NUP107: variants seen among roughly 807,000 people sequenced by gnomAD.
The protein encoded by NUP107 is nuclear pore complex protein Nup107.
NUP107 carries 101 observed loss-of-function variants against 141.0 expected under a neutral mutation model. The ratio of observed to expected loss-of-function variants is 0.72; its 90% CI spans 0.61 to 0.84. The LOEUF (loss-of-function observed/expected upper bound fraction) is 0.84, where lower values mean the gene tolerates loss of function less well. NUP107 is among the 40% of genes least tolerant of loss of function. The probability of loss-of-function intolerance (pLI) is 0.00; values close to 1 mark genes in which losing one functional copy is unlikely to be tolerated. For synonymous variants in NUP107, 319 were observed against 363.9 expected, an observed-to-expected ratio of 0.88 and a Z score of 1.41; for missense variants, 941 against 1,102.7, an observed-to-expected ratio of 0.85 and a Z score of 2.08.
chr12:68,730,033 C>G (rs912500557), intron 20 of NUP107, among the ~76,000 whole-genome samples: 6 of 151,554 alleles, frequency 4.0e-5, no homozygotes, highest in Non-Finnish European at 8.8e-5. Context: ...TAGATCATAG[C>G]CCATTGTAAC....
Position 68,716,217 on chromosome 12 carries a change from T to TTTTC in NUP107, c.1083+505_1083+508dup, listed in dbSNP as rs1182741313. On this transcript the variant is annotated intron_variant, in intron 12 of 27. Coordinates refer to ENST00000229179, the MANE Select transcript of NUP107 (RefSeq NM_020401.4). ...CAATCTCCATTCATTTTTTTTTCCT[T>TTTTC]TTTCTTTCTTTCTTTCTTTCTTTCT... 1.2e-3 allele frequency among the ~76,000 whole-genome samples: 159 copies of TTTTC among 136,860 alleles called. 2 individuals are homozygous for TTTTC. The highest frequency in any genetic ancestry group is 2.4e-3 in the African/African-American group (90 of 37,006). 89.8% of individuals were successfully genotyped at this position (136,860 alleles called of 152,430 possible).
At chr12:68,716,090 C>T (rs1331970146) in intron 12 of NUP107, among the ~76,000 whole-genome samples, 1 of 151,224 alleles carries the variant, frequency 6.6e-6, no homozygotes, top group East Asian at 1.9e-4. Context: ...CAGTGTCTTG[C>T]CATGTTGCCC....
rs745754509 is a variant in NUP107 at position 68,721,176 on chromosome 12, A to G, written c.1310A>G (p.Gln437Arg). 6.2e-7 allele frequency: 1 copy of G among 1,602,292 alleles called. No individual in the cohort carries two copies. Among genetic ancestry groups the G allele is most frequent in the Non-Finnish European group, 8.5e-7 (1 of 1,171,168 alleles). ...IYAALSGNLKQLLPVCDTWED... is the reference protein window; with the variant it reads ...IYAALSGNLKRLLPVCDTWED... ...GCAGCTTTAAGTGGGAATCTTAAGCAGGTATGCAATCTGTTTTAATGTTTA... is the reference window on the plus strand; with the variant it reads ...GCAGCTTTAAGTGGGAATCTTAAGCGGGTATGCAATCTGTTTTAATGTTTA... The change falls in exon 15 of 28, where the codon CAG (glutamine) becomes CGG (arginine). Residue 437 changes from glutamine (Q) to arginine (R), a missense_variant and splice_region_variant. Gln to Arg is a conservative substitution (Grantham distance 43, BLOSUM62 1). Coordinates refer to ENST00000229179, the MANE Select transcript of NUP107 (RefSeq NM_020401.4).
intron 17 of NUP107, 42 bp from the exon 18 acceptor site, chr12:68,725,685 A>T: frequency 1.0e-6 from 1 of 973,964 alleles, no homozygotes; most frequent in Non-Finnish European, 1.6e-6. Flanking sequence ...CTACAGAATG[A>T]CTGCTAGAAG....
chr12:68,711,350 C>G (rs901362177), intron 10 of NUP107, among the ~76,000 whole-genome samples: 3 of 151,514 alleles, frequency 2.0e-5, no homozygotes, highest in Non-Finnish European at 4.4e-5. Flanking sequence ...GACCCTGTCT[C>G]AAAAAATAAA....
chr12:68,705,597 C>G (rs1296867775), intron 8 of NUP107: 1 of 420,404 alleles, frequency 2.4e-6, no homozygotes, highest in Admixed American at 3.1e-5. Flanking sequence ...GAATCTCCGC[C>G]TAGCTCAGCC....
rs60283225 is a variant in NUP107, at chr12:68,738,450, CAAAA to C, written c.2502+3121_2502+3124del. Among the ~76,000 whole-genome samples the C allele has an allele frequency of 8.4e-4, 75 of 89,608 alleles. 1 individual carries two copies. Among genetic ancestry groups the C allele is most frequent in the Non-Finnish European group, 7.0e-4 (32 of 45,542 alleles). The allele number at this position is 89,608 out of a possible 152,430, so 58.8% of individuals were successfully genotyped here. A position where few individuals can be genotyped will look rare whatever the true frequency, so the allele number is the denominator to read the frequency against. ...TGGGCAACAAAGGGAGACTCCGTCTCAAAAAAAAAAAAAAAAAATTGGAATTCCC... is the reference window on the plus strand; with the variant it reads ...TGGGCAACAAAGGGAGACTCCGTCTCAAAAAAAAAAAAAATTGGAATTCCC... On this transcript the variant is annotated intron_variant, in intron 26 of 27. Transcript: ENST00000229179.
intron 1 of NUP107, 86 bp from the exon 2 acceptor site, chr12:68,688,876 G>A: frequency 1.1e-6 from 1 of 951,906 alleles, no homozygotes; most frequent in African/African-American, 1.6e-5. Flanking sequence ...CTTACTCAGG[G>A]TCCTTTACTC....
intron 7 of NUP107, among the ~76,000 whole-genome samples, chr12:68,702,092 G>A (rs1340973320): frequency 6.6e-6 from 1 of 152,142 alleles, no homozygotes; most frequent in Admixed American, 6.5e-5. Context: ...AGGTTTAAGC[G>A]ATTCTCCTGT....
At chr12:68,709,696 T>A (rs1042508718) in intron 9 of NUP107, among the ~76,000 whole-genome samples, 11 of 151,940 alleles carry the variant, frequency 7.2e-5, no homozygotes, top group African/African-American at 1.5e-4. Context: ...CGAGACCATC[T>A]GGCTAACAGT....
At chr12:68,691,144 C>T (rs1875765820) in intron 4 of NUP107, among the ~76,000 whole-genome samples, 1 of 152,044 alleles carries the variant, frequency 6.6e-6, no homozygotes, top group Non-Finnish European at 1.5e-5. Flanking sequence ...ATAACAGTAA[C>T]TTTAGGTTAT....
chr12:68,734,828 T>C lies in NUP107; in HGVS notation c.2383T>C (p.Tyr795His). 6.2e-7 allele frequency: 1 copy of C among 1,611,654 alleles called. No homozygotes were observed. The highest frequency in any genetic ancestry group is 8.5e-7 in the Non-Finnish European group (1 of 1,179,390). ...GGCTCATGAACACAAAGAAAAGAAA[T>C]ATGAAGTAAGTTAAATATGGATCTA... ...KVAHEHKEKK[Y>H]EMDFGIWKGH... Residue 795 changes from tyrosine (Y) to histidine (H), a missense_variant, in exon 25 of 28, where the codon TAT (tyrosine) becomes CAT (histidine). Tyr to His is a moderately conservative substitution (Grantham distance 83). Transcript: ENST00000229179.
At chr12:68,720,645 C>T (rs1196547729) in intron 14 of NUP107, among the ~76,000 whole-genome samples, 1 of 152,048 alleles carries the variant, frequency 6.6e-6, no homozygotes, top group Non-Finnish European at 1.5e-5. Context: ...CTGGAAATAC[C>T]ATTAATAGAA....
At position 68,696,776 on chromosome 12, in the gene NUP107, T is replaced by C. The variant is rs750313044; in HGVS notation, c.449-43T>C. On this transcript the variant is annotated intron_variant, in intron 5 of 27. Coordinates refer to ENST00000229179, the MANE Select transcript of NUP107 (RefSeq NM_020401.4). Reference sequence around the variant, plus strand: ...ACGGAATTACCTAGAAGTACGTCACTTAACTTTTCTTTATTCCTTTTTTTT... The same window carrying C: ...ACGGAATTACCTAGAAGTACGTCACCTAACTTTTCTTTATTCCTTTTTTTT... 7.2e-6 allele frequency: 8 copies of C among 1,112,188 alleles called. No individual in the cohort carries two copies. In the South Asian group the frequency reaches 9.9e-5, roughly 14 times the overall value. The allele number at this position is 1,112,188 out of a possible 1,614,324, so 68.9% of individuals were successfully genotyped here.
At chr12:68,739,962 T>C (rs1263548079) in intron 26 of NUP107, 1 of 152,238 alleles carries the variant, frequency 6.6e-6, no homozygotes. Context: ...AGCAGAGCTG[T>C]TTATTTGCTT....
At chr12:68,739,491 C>A (rs533698549) in intron 26 of NUP107, among the ~76,000 whole-genome samples, 3 of 152,272 alleles carry the variant, frequency 2.0e-5, no homozygotes, top group Admixed American at 6.5e-5. Flanking sequence ...AATATCAGTT[C>A]CAATCAACTC....
intron 5 of NUP107, 170 bp downstream of exon 5, chr12:68,692,282 C>CTCTTGTCTCAA: frequency 3.0e-6 from 2 of 662,558 alleles, no homozygotes; most frequent in African/African-American, 1.9e-5. Flanking sequence ...TTTTTTGAGA[C>CTCTTGTCTCAA]AAGAGTCTCA....
intron 26 of NUP107, among the ~76,000 whole-genome samples, chr12:68,740,975 G>T (rs1442959133): frequency 1.3e-5 from 2 of 151,704 alleles, no homozygotes; most frequent in East Asian, 3.9e-4. Context: ...TGAGCCCGGA[G>T]ATCAAGGCTT....
At chr12:68,737,868 C>T (rs947349578) in intron 26 of NUP107, among the ~76,000 whole-genome samples, 6 of 152,128 alleles carry the variant, frequency 3.9e-5, no homozygotes, top group Non-Finnish European at 7.3e-5. Context: ...TATCTGGGAA[C>T]GGTGGCTCAT....
Sources: allele counts gnomAD v4.1 joint callset (sites outside exome capture counted in the v4.1 genomes callset), GRCh38; gene constraint gnomAD v4.1.1; transcripts MANE v1.5; gene names NCBI Gene and HGNC (gene_info 2026-07-23, HGNC 2026-07-21).